PCDH7: variants seen among roughly 807,000 people sequenced by gnomAD.
The protein encoded by PCDH7 is protocadherin 7.
A neutral mutation model predicts 58.9 loss-of-function variants in PCDH7; 17 were observed. That is an observed-to-expected ratio of 0.29 (90% CI 0.20 to 0.43). The LOEUF is 0.43. Among genes scored for constraint, PCDH7 ranks in the 20% least tolerant of loss-of-function variants. The pLI, the probability that PCDH7 is intolerant of heterozygous loss-of-function variation, is 1.00. For missense variants in PCDH7, 1,274 were observed against 1,441.0 expected (o/e 0.88, Z 1.88); for synonymous variants, 664 against 616.4 (o/e 1.08, Z -1.14).
intron 1 of PCDH7, among the ~76,000 whole-genome samples, chr4:30,802,257 C>T (rs758928976): frequency 4.6e-5 from 7 of 151,308 alleles, no homozygotes; most frequent in Non-Finnish European, 1.0e-4. Context: ...TTTTATATAG[C>T]ATTTCTAATA....
chr4:31,119,019 A>G (rs558220125), intron 3 of PCDH7, among the ~76,000 whole-genome samples: 1 of 152,198 alleles, frequency 6.6e-6, no homozygotes, highest in East Asian at 1.9e-4. Flanking sequence ...GTGTCATCAA[A>G]CTACATTTTT....
chr4:31,014,369 T>C (rs570713943), intron 3 of PCDH7, among the ~76,000 whole-genome samples: 16 of 152,330 alleles, frequency 1.1e-4, no homozygotes, highest in African/African-American at 3.8e-4. Context: ...CCCATGTATT[T>C]TGAAATTGTT....
chr4:30,776,370 A>G (rs1722070662), intron 1 of PCDH7: 1 of 152,224 alleles, frequency 6.6e-6, no homozygotes, highest in Admixed American at 6.5e-5. Flanking sequence ...CAACATAAAT[A>G]TTTTGCTTAA....
chr4:30,935,397 G>A, intron 2 of PCDH7: 1 of 736,536 alleles, frequency 1.4e-6, no homozygotes, highest in Non-Finnish European at 1.7e-6. Flanking sequence ...CAATTCTCTA[G>A]ACTAAGAGTA....
chr4:30,865,705 A>T (rs916363359), intron 1 of PCDH7, among the ~76,000 whole-genome samples: 1 of 152,090 alleles, frequency 6.6e-6, no homozygotes, highest in Non-Finnish European at 1.5e-5. Flanking sequence ...ACCTCATAGG[A>T]AGGAACTGAT....
At chr4:31,132,594 TTAAAATGAAGTGGCTC>T (rs1719124077) in intron 3 of PCDH7, among the ~76,000 whole-genome samples, 1 of 152,152 alleles carries the variant, frequency 6.6e-6, no homozygotes, top group Non-Finnish European at 1.5e-5. Context: ...TTTGAGACCA[TTAAAATGAAGTGGCTC>T]TAAATTGATA....
At chr4:30,793,620 A>G (rs1220641018) in intron 1 of PCDH7, among the ~76,000 whole-genome samples, 21 of 152,152 alleles carry the variant, frequency 1.4e-4, no homozygotes, top group Admixed American at 1.4e-3. Context: ...TCTTGACTTT[A>G]AAACATGAGA....
intron 3 of PCDH7, among the ~76,000 whole-genome samples, chr4:31,120,413 C>T (rs1380020890): frequency 6.3e-5 from 7 of 111,508 alleles, no homozygotes; most frequent in East Asian, 2.6e-4. Context: ...TCAGTCTTGT[C>T]TTTCGTTGTT....
intron 3 of PCDH7, among the ~76,000 whole-genome samples, chr4:30,960,504 A>G (rs1748310600): frequency 6.6e-6 from 1 of 152,126 alleles, no homozygotes; most frequent in South Asian, 2.1e-4. Context: ...CATCTAGAGA[A>G]CTCTTACACA....
intron 1 of PCDH7, among the ~76,000 whole-genome samples, chr4:30,796,362 T>C (rs1577839833): frequency 6.6e-6 from 1 of 152,206 alleles, no homozygotes; most frequent in East Asian, 1.9e-4. Context: ...CTGATGACTG[T>C]TATTAGCAGT....
At chr4:30,737,402 C>G (rs371031863), downstream of PCDH7, among the ~76,000 whole-genome samples, 23 of 152,200 alleles carry the variant, frequency 1.5e-4, no homozygotes, top group African/African-American at 5.5e-4. Flanking sequence ...CCTGTAATGT[C>G]AACACTTTGA....
intron 1 of PCDH7, among the ~76,000 whole-genome samples, chr4:30,793,106 C>T (rs1000496462): frequency 2.0e-5 from 3 of 152,064 alleles, no homozygotes; most frequent in Non-Finnish European, 4.4e-5. Context: ...CTTTGATGAA[C>T]AGTCACATAA....
intron 1 of PCDH7, among the ~76,000 whole-genome samples, chr4:30,880,264 C>A (rs1419440316): frequency 8.7e-5 from 13 of 149,438 alleles, no homozygotes; most frequent in African/African-American, 2.5e-5. Flanking sequence ...ATCCATAGTA[C>A]TGAAAAGCAA....
At chr4:30,762,319 A>T (rs1234874236) in intron 1 of PCDH7, among the ~76,000 whole-genome samples, 2 of 152,308 alleles carry the variant, frequency 1.3e-5, no homozygotes, top group South Asian at 2.1e-4. Context: ...TCATTTAAGG[A>T]TGATTATTCA....
At chr4:30,994,504 A>G (rs1381926670) in intron 3 of PCDH7, among the ~76,000 whole-genome samples, 1 of 152,232 alleles carries the variant, frequency 6.6e-6, no homozygotes, top group Non-Finnish European at 1.5e-5. Context: ...CAAATTTGAA[A>G]AGATAGGTGA....
chr4:30,962,587 G>T (rs1025540182), intron 3 of PCDH7, among the ~76,000 whole-genome samples: 12 of 151,708 alleles, frequency 7.9e-5, no homozygotes, highest in African/African-American at 2.9e-4. Context: ...AGGAGTTTGA[G>T]ACCATCCTGG....
At chr4:31,085,261 G>T (rs542439823) in intron 3 of PCDH7, among the ~76,000 whole-genome samples, 1 of 152,112 alleles carries the variant, frequency 6.6e-6, no homozygotes, top group African/African-American at 2.4e-5. Flanking sequence ...TTATTGATTT[G>T]GGTGGGGCCA....
At chr4:30,773,154 T>C (rs1013608154) in intron 1 of PCDH7, among the ~76,000 whole-genome samples, 9 of 152,190 alleles carry the variant, frequency 5.9e-5, no homozygotes, top group African/African-American at 2.2e-4. Flanking sequence ...CCACCCACCT[T>C]GGCCTCCCAA....
At chr4:30,981,768 A>G (rs1324935798) in intron 3 of PCDH7, among the ~76,000 whole-genome samples, 6 of 152,186 alleles carry the variant, frequency 3.9e-5, no homozygotes, top group Non-Finnish European at 8.8e-5. Flanking sequence ...CTGATATGAA[A>G]ATGCTTTGTG....
Sources: gnomAD v4.1 joint callset for allele counts (sites outside exome capture counted in the v4.1 genomes callset) on GRCh38, gnomAD v4.1.1 for gene constraint, MANE v1.5 for transcripts, NCBI Gene and HGNC (gene_info 2026-07-23, HGNC 2026-07-21) for gene names.